Variants in MIER1 observed in about 807,000 individuals in gnomAD.
MIER1 encodes mesoderm induction early response protein 1.
In MIER1, 40 loss-of-function variants were observed where a neutral mutation model predicts 75.7. The ratio of observed to expected loss-of-function variants is 0.53; its 90% confidence interval spans 0.41 to 0.69. The LOEUF (loss-of-function observed/expected upper bound fraction) is 0.69, where lower values mean the gene tolerates loss of function less well. MIER1 is among the 30% of genes least tolerant of loss of function. The probability of loss-of-function intolerance (pLI) is 0.00; values close to 1 mark genes in which losing one functional copy is unlikely to be tolerated. For missense variants in MIER1, 574 were observed against 680.2 expected (o/e 0.84, Z 1.74); for synonymous variants, 213 against 223.4 (o/e 0.95, Z 0.42).
chr1:66,959,993 C>T lies in MIER1; in HGVS notation c.699+250C>T, dbSNP rs899230108. The T allele has an allele frequency of 2.2e-5, 5 of 222,792 alleles. No homozygotes were observed. The East Asian group carries it at 2.7e-4, about 12-fold the overall frequency. The allele number at this position is 222,792 out of a possible 1,614,324, so 13.8% of individuals were successfully genotyped here. A position where few individuals can be genotyped will look rare whatever the true frequency, so the allele number is the denominator to read the frequency against. On this transcript the variant is annotated intron_variant, in intron 7 of 13. Coordinates refer to ENST00000401041, the MANE Select transcript of MIER1 (RefSeq NM_001077700.3). ...CCAGCACTTGGGAGGCTGAGGCAGG[C>T]GGATCGCTTGAGCCCAGGAGTTCGA...
chr1:66,939,908 G>A, intron 2 of MIER1, 120 bp from the exon 3 acceptor site: 2 of 705,618 alleles, frequency 2.8e-6, no homozygotes, highest in Non-Finnish European at 4.8e-6. Flanking sequence ...AAACTAAAAT[G>A]CAGACATTAA....
chr1:66,946,224 C>T lies in MIER1; in HGVS notation c.268C>T (p.Arg90Ter). 2.5e-6 allele frequency: 4 copies of T among 1,611,208 alleles called. No individual in the cohort carries two copies. The highest frequency in any genetic ancestry group is 1.1e-5 in the South Asian group (1 of 90,490). ...DMLVHDFDDE[R>*]TLEEEEMMEG... is the part of the protein sequence containing the mutation. ...GCTGGTTCATGATTTTGATGATGAA[C>T]GAACATTAGAAGAGGAAGAAATGAT... The change falls in exon 4 of 14, where the codon CGA becomes TGA. Residue 90 changes from arginine to a stop codon, truncating the protein, a stop_gained. Coordinates refer to ENST00000401041, the MANE Select transcript of MIER1 (RefSeq NM_001077700.3). LOFTEE classifies it high-confidence loss of function.
chr1:66,944,902 T>G (rs1467433511), intron 3 of MIER1, among the ~76,000 whole-genome samples: 4 of 151,824 alleles, frequency 2.6e-5, no homozygotes, highest in African/African-American at 9.7e-5. Context: ...ATTTTTAAAT[T>G]TTTTGTAGAG....
chr1:66,960,606 G>A (rs1291705305), intron 7 of MIER1, among the ~76,000 whole-genome samples: 4 of 152,132 alleles, frequency 2.6e-5, no homozygotes, highest in African/African-American at 9.7e-5. Flanking sequence ...TTCAGCCCAG[G>A]AGTTTGAGAC....
Position 66,988,604 on chromosome 1 carries a change from A to G in MIER1, c.*3704A>G, listed in dbSNP as rs17129572. 0.076 allele frequency: 11,573 copies of G among 152,362 alleles called. 554 individuals are homozygous for G. The highest frequency in any genetic ancestry group is 0.13 in the African/African-American group (5,579 of 41,516). The allele number at this position is 152,362 out of a possible 1,614,324, so 9.4% of individuals were successfully genotyped here. A position where few individuals can be genotyped will look rare whatever the true frequency, so the allele number is the denominator to read the frequency against. Reference sequence around the variant, plus strand: ...TTATAGAATGTATAATGTAATTAAAATGTCATTTTGCTTGCTCTTGAGTAA... The same window carrying G: ...TTATAGAATGTATAATGTAATTAAAGTGTCATTTTGCTTGCTCTTGAGTAA... On this transcript the variant is annotated 3_prime_UTR_variant, in exon 14 of 14. Coordinates refer to ENST00000401041, the MANE Select transcript of MIER1 (RefSeq NM_001077700.3).
intron 7 of MIER1, among the ~76,000 whole-genome samples, chr1:66,960,256 G>A (rs781180555): frequency 3.3e-4 from 50 of 152,024 alleles, no homozygotes; most frequent in Non-Finnish European, 5.6e-4. Context: ...TTTTCATTCT[G>A]TATTACTTTA....
At chr1:66,980,270 C>T (rs1268922687) in intron 12 of MIER1, among the ~76,000 whole-genome samples, 3 of 152,118 alleles carry the variant, frequency 2.0e-5, no homozygotes, top group Non-Finnish European at 4.4e-5. Flanking sequence ...GTCTTCAAGA[C>T]CATCTAATTT....
chr1:66,954,253 G>A (rs1434093215), intron 4 of MIER1, among the ~76,000 whole-genome samples: 3 of 152,196 alleles, frequency 2.0e-5, no homozygotes, highest in Non-Finnish European at 4.4e-5. Flanking sequence ...GTGTTTTGTT[G>A]TGTGTGTAAT....
chr1:66,957,721 TAAGA>T (rs1391653898), intron 4 of MIER1, among the ~76,000 whole-genome samples: 1 of 151,816 alleles, frequency 6.6e-6, no homozygotes, highest in Non-Finnish European at 1.5e-5. Flanking sequence ...GTACTCTTAT[TAAGA>T]GTGGGCATCC....
rs200307462 is a variant in MIER1 at position 66,963,107 on chromosome 1, T to C, written c.719T>C (p.Met240Thr). The C allele has an allele frequency of 1.6e-5, 25 of 1,611,536 alleles. 1 individual carries two copies. The South Asian group carries it at 2.7e-4, about 18-fold the overall frequency. ...AAATAGGAGATTATGGTGGGCTCCA[T>C]GTTTCAAGCAGAAATTCCAGTTGGC... ...DWKKEIMVGS[M>T]FQAEIPVGIC... Residue 240 changes from methionine (M) to threonine (T), a missense_variant, in exon 8 of 14, where the codon ATG becomes ACG. Physicochemically the swap from Met to Thr is moderately conservative, Grantham distance 81. Around this residue, in one of 3 missense-constraint regions of MIER1, gnomAD observed 309 missense variants for 352.8 expected, o/e 0.88. Transcript: ENST00000401041.
intron 7 of MIER1, among the ~76,000 whole-genome samples, chr1:66,962,532 C>T (rs1313735924): frequency 2.0e-5 from 3 of 152,130 alleles, no homozygotes; most frequent in Admixed American, 2.0e-4. Context: ...AACAGTTTCC[C>T]ATTAGCTGTG....
chr1:66,926,077 G>A (rs1651689548), intron 1 of MIER1, 65 bp from the exon 2 acceptor site: 22 of 1,261,644 alleles, frequency 1.7e-5, no homozygotes, highest in Non-Finnish European at 2.4e-5. Context: ...GAAACAGGGT[G>A]GATGGTGAGC....
chr1:66,984,825 T>C lies in MIER1; in HGVS notation c.1623T>C (p.Ser541=), dbSNP rs1307136038. ...GGGTAAACAGCAATGGAAAAGAAAG[T>C]CCAGGTTCTTCTGAATTTTTCCAAG... ...RRRVNSNGKE[S]PGSSEFFQEA... The change falls in exon 14 of 14, where the codon AGT becomes AGC. Residue 541 remains serine, a synonymous_variant. Transcript: ENST00000401041. The C allele has an allele frequency of 1.2e-6, 2 of 1,611,264 alleles. No homozygotes were observed.
At position 66,987,762 on chromosome 1, in the gene MIER1, A is replaced by AAT. The variant is rs147816624; in HGVS notation, c.*2874_*2875dup. The AAT allele has an allele frequency of 0.12, 18,256 of 151,650 alleles. 1,431 individuals carry two copies. The highest frequency in any genetic ancestry group is 0.23 in the African/African-American group (9,482 of 41,306). The allele number at this position is 151,650 out of a possible 1,614,324, so 9.4% of individuals were successfully genotyped here. ...AATGATGCATGTTATTGACAAGGCA[A>AAT]ATATATATATATACACAGTCTGTTT... On this transcript the variant is annotated 3_prime_UTR_variant, in exon 14 of 14. Coordinates refer to ENST00000401041, the MANE Select transcript of MIER1 (RefSeq NM_001077700.3).
intron 1 of MIER1, chr1:66,925,663 C>T: frequency 2.0e-6 from 1 of 495,356 alleles, no homozygotes; most frequent in Non-Finnish European, 2.6e-6. Flanking sequence ...GGGACAGATG[C>T]CCGCCGCTCT....
intron 2 of MIER1, among the ~76,000 whole-genome samples, chr1:66,937,549 C>A (rs1363109391): frequency 6.6e-6 from 1 of 151,966 alleles, no homozygotes; most frequent in Admixed American, 6.6e-5. Context: ...CATGCCACTG[C>A]ACTTCTGCCT....
At chr1:66,949,262 G>C (rs1201079972) in intron 4 of MIER1, among the ~76,000 whole-genome samples, 2 of 151,814 alleles carry the variant, frequency 1.3e-5, no homozygotes, top group African/African-American at 2.4e-5. Context: ...TTATGAGTTA[G>C]TTATTTTTTT....
chr1:66,959,563 A>G, intron 6 of MIER1, 116 bp from the exon 7 acceptor site: 1 of 539,104 alleles, frequency 1.9e-6, no homozygotes, highest in Non-Finnish European at 3.3e-6. Flanking sequence ...ATCTTGGCTT[A>G]ATTCATTAGA....
At chr1:66,963,275 C>T (rs951932690) in intron 8 of MIER1, 115 bp downstream of exon 8, 2 of 633,412 alleles carry the variant, frequency 3.2e-6, no homozygotes, top group African/African-American at 3.7e-5. Context: ...CCCATTGTAA[C>T]CCCATTGGTT....
Sources: allele counts gnomAD v4.1 joint callset (sites outside exome capture counted in the v4.1 genomes callset), GRCh38; gene constraint gnomAD v4.1.1; regional missense constraint gnomAD v4.1.1; transcripts MANE v1.5; gene names NCBI Gene and HGNC (gene_info 2026-07-23, HGNC 2026-07-21).